SUMF1: variants seen among roughly 807,000 people sequenced by gnomAD.
SUMF1 encodes sulfatase modifying factor 1.
In SUMF1, 48 loss-of-function variants were observed where a neutral mutation model predicts 47.6. That is an observed-to-expected ratio of 1.01 (90% CI 0.80 to 1.28). The LOEUF is 1.28. Among genes scored for constraint, SUMF1 ranks in the 50% most tolerant of loss-of-function variants. SUMF1 has a pLI of 0.00. For synonymous variants in SUMF1, 230 were observed against 192.1 expected (o/e 1.20, Z -1.63); for missense variants, 571 against 485.4 (o/e 1.18, Z -1.66).
At chr3:4,225,377 G>C (rs1045463752) in intron 8 of SUMF1, among the ~76,000 whole-genome samples, 1 of 152,108 alleles carries the variant, frequency 6.6e-6, no homozygotes, top group African/African-American at 2.4e-5. Flanking sequence ...GAGCAAGCAA[G>C]TTCCACTATG....
chr3:4,319,168 T>C (rs532267102), intron 8 of SUMF1, among the ~76,000 whole-genome samples: 1 of 152,302 alleles, frequency 6.6e-6, no homozygotes, highest in South Asian at 2.1e-4. Flanking sequence ...AAATGTGACA[T>C]GGTACAGCCT....
chr3:4,111,522 A>G (rs1239619818), intron 8 of SUMF1, among the ~76,000 whole-genome samples: 1 of 152,094 alleles, frequency 6.6e-6, no homozygotes, highest in Non-Finnish European at 1.5e-5. Flanking sequence ...GATAGAGAAC[A>G]TCCTGGCCAA....
chr3:4,037,794 T>A (rs1694825939), intron 9 of SUMF1, among the ~76,000 whole-genome samples: 1 of 152,214 alleles, frequency 6.6e-6, no homozygotes. Context: ...TGTGTTCCTT[T>A]AACTGTGATA....
intron 8 of SUMF1, among the ~76,000 whole-genome samples, chr3:4,167,253 G>A (rs1694729022): frequency 6.6e-6 from 1 of 151,900 alleles, no homozygotes; most frequent in Non-Finnish European, 1.5e-5. Flanking sequence ...AGCATGGAAG[G>A]GGACCCAGGT....
At chr3:4,215,990 T>C (rs1695914446) in intron 8 of SUMF1, among the ~76,000 whole-genome samples, 1 of 152,236 alleles carries the variant, frequency 6.6e-6, no homozygotes, top group African/African-American at 2.4e-5. Flanking sequence ...GATTCAATGC[T>C]ATCCCCATCA....
At chr3:4,205,928 G>A (rs2125156984) in intron 8 of SUMF1, among the ~76,000 whole-genome samples, 1 of 152,156 alleles carries the variant, frequency 6.6e-6, no homozygotes, top group Admixed American at 6.5e-5. Context: ...CTACTGCCTG[G>A]CTACCACTAA....
chr3:4,362,139 G>T lies in SUMF1; in HGVS notation c.*5C>A. ...CCTTGGACTGGGGAAGACTTTCCTT[G>T]GTTGTCAGTCCATAGTGGGCAGGCG... On this transcript the variant is annotated 3_prime_UTR_variant, in exon 9 of 9. Coordinates refer to ENST00000272902, the MANE Select transcript of SUMF1 (RefSeq NM_182760.4). 1 of 1,613,760 alleles carries T rather than the reference G, an allele frequency of 6.2e-7. No homozygotes were observed. The highest frequency in any genetic ancestry group is 8.5e-7 in the Non-Finnish European group (1 of 1,179,798).
At chr3:4,242,033 T>C (rs1696548812) in intron 8 of SUMF1, among the ~76,000 whole-genome samples, 1 of 152,200 alleles carries the variant, frequency 6.6e-6, no homozygotes, top group Admixed American at 6.5e-5. Context: ...AAAGGGAAGA[T>C]AGCTGGCTCG....
chr3:4,304,303 G>A (rs368586102), intron 8 of SUMF1, among the ~76,000 whole-genome samples: 3 of 152,148 alleles, frequency 2.0e-5, no homozygotes, highest in South Asian at 2.1e-4. Flanking sequence ...CACCACGCCC[G>A]GCTAATTTTT....
At chr3:4,281,109 G>A (rs1697520666) in intron 8 of SUMF1, among the ~76,000 whole-genome samples, 1 of 152,016 alleles carries the variant, frequency 6.6e-6, no homozygotes, top group Non-Finnish European at 1.5e-5. Flanking sequence ...TGGGACTTCT[G>A]GGCGAGGAGA....
intron 7 of SUMF1, among the ~76,000 whole-genome samples, chr3:4,401,159 G>A (rs1284065595): frequency 6.6e-6 from 1 of 151,936 alleles, no homozygotes; most frequent in Admixed American, 6.6e-5. Flanking sequence ...ATTTTTCATG[G>A]CTGCACAGTA....
intron 3 of SUMF1, among the ~76,000 whole-genome samples, chr3:4,439,940 T>A (rs1320218449): frequency 6.6e-6 from 1 of 152,016 alleles, no homozygotes; most frequent in Admixed American, 6.5e-5. Context: ...ACATTCAAAA[T>A]GATGCTGAGC....
At chr3:4,176,213 A>G (rs1476046744) in intron 8 of SUMF1, among the ~76,000 whole-genome samples, 1 of 152,154 alleles carries the variant, frequency 6.6e-6, no homozygotes, top group African/African-American at 2.4e-5. Context: ...CCTCAAGAAG[A>G]GCAACCCCAA....
intron 8 of SUMF1, among the ~76,000 whole-genome samples, chr3:4,228,151 G>A (rs1239760338): frequency 6.6e-6 from 1 of 152,002 alleles, no homozygotes; most frequent in Non-Finnish European, 1.5e-5. Flanking sequence ...CTATGTGGAT[G>A]ACTTTGTAAG....
At chr3:4,110,009 T>C (rs1427009166) in intron 8 of SUMF1, among the ~76,000 whole-genome samples, 2 of 152,154 alleles carry the variant, frequency 1.3e-5, no homozygotes, top group East Asian at 1.9e-4. Context: ...CTCTGATTTT[T>C]AGAGTTTCCA....
chr3:4,121,609 A>C (rs1253059574), intron 8 of SUMF1, among the ~76,000 whole-genome samples: 1 of 152,174 alleles, frequency 6.6e-6, no homozygotes, highest in Admixed American at 6.5e-5. Context: ...TTAAACATAT[A>C]GTTACCATTA....
intron 8 of SUMF1, among the ~76,000 whole-genome samples, chr3:4,199,492 A>G (rs573984049): frequency 6.6e-6 from 1 of 152,218 alleles, no homozygotes; most frequent in Admixed American, 6.5e-5. Flanking sequence ...AATACATAGG[A>G]GAGAAATTTC....
At position 4,059,846 on chromosome 3, in the gene SUMF1, T is replaced by C. The variant is rs551187239; in HGVS notation, c.1191+8723A>G. Among the ~76,000 whole-genome samples the C allele has an allele frequency of 2.1e-5, 3 of 144,914 alleles. No homozygotes were observed. In the South Asian group the frequency reaches 6.6e-4, roughly 32 times the overall value. Reference sequence around the variant, plus strand: ...TGAGATCTGAAAAGTAAATCAGAGGTGACCAGGGCAAGACAAGGGGTGATG... The same window carrying C: ...TGAGATCTGAAAAGTAAATCAGAGGCGACCAGGGCAAGACAAGGGGTGATG... On this transcript the variant is annotated intron_variant and NMD_transcript_variant, in intron 9 of 12. Transcript: ENST00000448413.
At chr3:4,446,804 G>C (rs1702796537) in intron 3 of SUMF1, among the ~76,000 whole-genome samples, 1 of 152,180 alleles carries the variant, frequency 6.6e-6, no homozygotes, top group Admixed American at 6.5e-5. Context: ...AAATGTCCTA[G>C]ATTCTTCAAT....
Sources: allele counts gnomAD v4.1 joint callset (sites outside exome capture counted in the v4.1 genomes callset), GRCh38; gene constraint gnomAD v4.1.1; transcripts MANE v1.5; gene names NCBI Gene and HGNC (gene_info 2026-07-23, HGNC 2026-07-21).